The following EARS2 variants were observed in gnomAD, a reference collection of about 807,000 sequenced individuals.
EARS2 encodes the protein glutamyl-tRNA synthetase 2, mitochondrial.
In EARS2, 50 loss-of-function variants were observed where a neutral mutation model predicts 54.1. That is an observed-to-expected ratio of 0.92 (90% CI 0.74 to 1.17). EARS2 has a LOEUF of 1.17. EARS2 is among the 50% of genes most tolerant of loss of function. EARS2 has a pLI of 0.00. For missense variants in EARS2, 673 were observed against 675.0 expected (o/e 1.00, Z 0.03); for synonymous variants, 298 against 281.0 (o/e 1.06, Z -0.61).
chr16:23,553,407 A>AT (rs1371658737), intron 1 of EARS2, among the ~76,000 whole-genome samples: 3 of 152,178 alleles, frequency 2.0e-5, no homozygotes, highest in Admixed American at 6.5e-5. Context: ...AAATTCAATG[A>AT]TGTGCGCTGG....
chr16:23,543,632 C>T (rs1259864621), intron 3 of EARS2, among the ~76,000 whole-genome samples: 1 of 151,204 alleles, frequency 6.6e-6, no homozygotes, highest in Non-Finnish European at 1.5e-5. Flanking sequence ...ACCCAGGAGG[C>T]TGAGGCAGGA....
At chr16:23,528,912 G>GC (rs1474656838) in intron 7 of EARS2, among the ~76,000 whole-genome samples, 2 of 152,114 alleles carry the variant, frequency 1.3e-5, no homozygotes, top group Non-Finnish European at 2.9e-5. Context: ...AGAGAGTCTT[G>GC]CCCTCTAGTT....
chr16:23,529,142 T>C (rs371320832), intron 7 of EARS2, among the ~76,000 whole-genome samples: 21 of 152,356 alleles, frequency 1.4e-4, no homozygotes, highest in African/African-American at 4.8e-4. Flanking sequence ...AAGTTATTAC[T>C]GTTACAGTAA....
Position 23,524,330 on chromosome 16 carries a change from A to T in EARS2, c.*41T>A. On this transcript the variant is annotated 3_prime_UTR_variant, in exon 9 of 9. Transcript: ENST00000449606. ...CTCTGAAAGCTGTTTCTAAGCTCAC[A>T]GGTTCTTAGGGCGATCTCCACTGCC... is the stretch of plus-strand genomic sequence containing the variant. 6.4e-7 allele frequency: 1 copy of T among 1,564,820 alleles called. No individual in the cohort carries two copies. Among genetic ancestry groups the T allele is most frequent in the Admixed American group, 1.7e-5 (1 of 59,774 alleles).
intron 4 of EARS2, among the ~76,000 whole-genome samples, chr16:23,534,345 T>C (rs1965376766): frequency 6.6e-6 from 1 of 152,228 alleles, no homozygotes; most frequent in Non-Finnish European, 1.5e-5. Context: ...TCATCCTATT[T>C]GATGCTTGCT....
intron 5 of EARS2, among the ~76,000 whole-genome samples, chr16:23,530,223 T>C (rs1471288861): frequency 6.6e-6 from 1 of 152,018 alleles, no homozygotes; most frequent in African/African-American, 2.4e-5. Flanking sequence ...CCTCCTAGGC[T>C]CAAGCGATCC....
At chr16:23,533,468 G>A (rs373681850) in intron 4 of EARS2, among the ~76,000 whole-genome samples, 2 of 152,240 alleles carry the variant, frequency 1.3e-5, no homozygotes, top group East Asian at 3.9e-4. Flanking sequence ...CATAAGGGAG[G>A]CTGAGTGAGC....
At chr16:23,541,220 G>A (rs1965506455) in intron 3 of EARS2, among the ~76,000 whole-genome samples, 1 of 151,156 alleles carries the variant, frequency 6.6e-6, no homozygotes, top group Non-Finnish European at 1.5e-5. Flanking sequence ...CCAGCTACTC[G>A]GGAGGCTGAG....
intron 1 of EARS2, among the ~76,000 whole-genome samples, chr16:23,554,342 G>A (rs767795950): frequency 6.6e-6 from 1 of 152,096 alleles, no homozygotes; most frequent in Non-Finnish European, 1.5e-5. Flanking sequence ...CTAATTGCTG[G>A]CTTTAAACAC....
At chr16:23,529,145 T>C (rs1033479437) in intron 7 of EARS2, among the ~76,000 whole-genome samples, 4 of 152,248 alleles carry the variant, frequency 2.6e-5, no homozygotes, top group African/African-American at 7.2e-5. Context: ...TTATTACTGT[T>C]ACAGTAAGAA....
chr16:23,529,652 T>C lies in EARS2; in HGVS notation c.1222-20A>G, dbSNP rs1399341519. On this transcript the variant is annotated intron_variant, in intron 6 of 8. Transcript: ENST00000449606. Reference sequence around the variant, plus strand: ...GTGACCCTGGGGAAGGAGGCAGTCATTGAATGCACTAGGGACAGGGCTCTG... The same window carrying C: ...GTGACCCTGGGGAAGGAGGCAGTCACTGAATGCACTAGGGACAGGGCTCTG... 9.3e-6 allele frequency: 15 copies of C among 1,613,712 alleles called. No homozygotes were observed. The highest frequency in any genetic ancestry group is 1.7e-5 in the Admixed American group (1 of 59,968).
intron 7 of EARS2, among the ~76,000 whole-genome samples, chr16:23,527,945 G>GT (rs1965258630): frequency 6.6e-6 from 1 of 152,242 alleles, no homozygotes; most frequent in Admixed American, 6.5e-5. Flanking sequence ...CAAGGGGACA[G>GT]TATTCACAGG....
At chr16:23,527,946 T>A (rs1965258586) in intron 7 of EARS2, among the ~76,000 whole-genome samples, 1 of 152,194 alleles carries the variant, frequency 6.6e-6, no homozygotes, top group Non-Finnish European at 1.5e-5. Context: ...AAGGGGACAG[T>A]ATTCACAGGT....
At chr16:23,544,467 A>T (rs372545559) in intron 3 of EARS2, 47 bp downstream of exon 3, 25 of 1,571,248 alleles carry the variant, frequency 1.6e-5, no homozygotes, top group Non-Finnish European at 2.1e-5. Context: ...AAGGTAACAA[A>T]CACACCCAAT....
Position 23,522,370 on chromosome 16 carries a change from CAACAACAA to C in EARS2, c.*1993_*2000del, listed in dbSNP as rs1965153012. On this transcript the variant is annotated 3_prime_UTR_variant, in exon 9 of 9. Coordinates refer to ENST00000449606, the MANE Select transcript of EARS2 (RefSeq NM_001083614.2). ...TGAGGGGAAAACACGGAGAAATTAA[CAACAACAA>C]AACGGCTGTAGTTCATGTGTCGCCA... 6.5e-6 allele frequency: 1 copy of C among 153,310 alleles called. No homozygotes were observed. The highest frequency in any genetic ancestry group is 1.5e-5 in the Non-Finnish European group (1 of 68,870). The allele number at this position is 153,310 out of a possible 1,614,324, so 9.5% of individuals were successfully genotyped here. A position where few individuals can be genotyped will look rare whatever the true frequency, so the allele number is the denominator to read the frequency against.
In EARS2 at chr16:23,534,958, G is replaced by A. The variant is rs1452110564; in HGVS notation, c.888C>T (p.His296=). 6 of 1,610,884 alleles carry A rather than the reference G, an allele frequency of 3.7e-6. No individual in the cohort carries two copies. Among genetic ancestry groups the A allele is most frequent in the East Asian group, 4.5e-5 (2 of 44,796 alleles). Residue 296 remains histidine, a synonymous_variant, in exon 4 of 9, where the codon CAC becomes CAT. Transcript: ENST00000449606. The part of the protein sequence containing the change: ...SKRQGDVFLE[H]FAADGFLPDS... ...CGGGCAGGAAGCCATCAGCAGCAAA[G>A]TGCTCCAGGAAAACGTCCCCTTGCC...
chr16:23,555,432 G>A (rs560036030), intron 1 of EARS2, among the ~76,000 whole-genome samples: 1 of 152,316 alleles, frequency 6.6e-6, no homozygotes, highest in Admixed American at 6.5e-5. Context: ...AGGTTGCAGT[G>A]AGCCGAGATT....
In EARS2 at chr16:23,520,938, T is replaced by G. The variant is rs1218399089; in HGVS notation, c.*3433A>C. On this transcript the variant is annotated 3_prime_UTR_variant, in exon 9 of 9. Transcript: ENST00000449606. ...ACCCAAGTAGCTGGGATTATAGGTA[T>G]GTACCACCACACCTGGCTAATTTTT... is the stretch of plus-strand genomic sequence containing the variant. Among the ~76,000 whole-genome samples the G allele has an allele frequency of 6.6e-6, 1 of 152,076 alleles. No homozygotes were observed. The highest frequency in any genetic ancestry group is 2.1e-4 in the South Asian group (1 of 4,822).
At chr16:23,557,128 G>A (rs757432143) in intron 1 of EARS2, 77 bp downstream of exon 1, 30 of 1,481,562 alleles carry the variant, frequency 2.0e-5, no homozygotes, top group Admixed American at 2.5e-5. Context: ...CACCGGAAAG[G>A]ATTCATTCGG....
Sources: gnomAD v4.1 joint callset for allele counts (sites outside exome capture counted in the v4.1 genomes callset) on GRCh38, gnomAD v4.1.1 for gene constraint, MANE v1.5 for transcripts, NCBI Gene and HGNC (gene_info 2026-07-23, HGNC 2026-07-21) for gene names.